Variants in CELF4 observed in about 807,000 individuals in gnomAD.
CELF4 encodes the protein CUG-BP- and ETR-3-like factor 4.
A neutral mutation model predicts 59.9 loss-of-function variants in CELF4; 18 were observed. The ratio of observed to expected loss-of-function variants is 0.30; its 90% CI spans 0.21 to 0.45. The LOEUF (loss-of-function observed/expected upper bound fraction) is 0.45, where lower values mean the gene tolerates loss of function less well. Among genes scored for constraint, CELF4 ranks in the 20% least tolerant of loss-of-function variants. The pLI, the probability that CELF4 is intolerant of heterozygous loss-of-function variation, is 1.00. For missense variants in CELF4, 456 were observed against 689.0 expected (o/e 0.66, Z 3.79); for synonymous variants, 261 against 267.1 (o/e 0.98, Z 0.22).
chr18:37,263,238 C>T (rs1335387807), intron 10 of CELF4, among the ~76,000 whole-genome samples: 3 of 152,140 alleles, frequency 2.0e-5, no homozygotes, highest in Non-Finnish European at 4.4e-5. Flanking sequence ...CAGAGTCCCA[C>T]CCAAAAGGGT....
At chr18:37,396,521 T>G (rs1212438585) in intron 2 of CELF4, among the ~76,000 whole-genome samples, 2 of 152,180 alleles carry the variant, frequency 1.3e-5, no homozygotes, top group Non-Finnish European at 2.9e-5. Context: ...TAAAAGCTGA[T>G]GAGGTGAGCC....
chr18:37,369,967 C>T (rs1163034064), intron 2 of CELF4, among the ~76,000 whole-genome samples: 1 of 152,220 alleles, frequency 6.6e-6, no homozygotes, highest in Non-Finnish European at 1.5e-5. Context: ...CCGAAACGCC[C>T]CTCTTCACCT....
chr18:37,558,709 CA>C (rs2099985651), intron 1 of CELF4, among the ~76,000 whole-genome samples: 1 of 151,540 alleles, frequency 6.6e-6, no homozygotes, highest in African/African-American at 2.4e-5. Context: ...ATAGAGAGCC[CA>C]AAAGGAGGGC....
At chr18:37,348,004 T>A (rs2098327145) in intron 2 of CELF4, among the ~76,000 whole-genome samples, 1 of 152,010 alleles carries the variant, frequency 6.6e-6, no homozygotes, top group Non-Finnish European at 1.5e-5. Flanking sequence ...CACAAGCAGG[T>A]GGTTATGGGT....
intron 2 of CELF4, among the ~76,000 whole-genome samples, chr18:37,348,050 C>T (rs2098328502): frequency 6.6e-6 from 1 of 152,190 alleles, no homozygotes; most frequent in Admixed American, 6.5e-5. Flanking sequence ...TGACCCTCCT[C>T]CAGGCCGGGC....
At chr18:37,300,055 C>T (rs1479871060) in intron 3 of CELF4, among the ~76,000 whole-genome samples, 1 of 152,190 alleles carries the variant, frequency 6.6e-6, no homozygotes, top group Non-Finnish European at 1.5e-5. Context: ...ACTGCCCCCA[C>T]CCCATGCTTC....
rs111957213 is a variant in CELF4, at chr18:37,266,521, G to A, written c.1165+12C>T. 166 of 1,587,012 alleles carry A rather than the reference G, an allele frequency of 1.0e-4. 1 individual carries two copies. In the South Asian group the frequency reaches 1.5e-3, roughly 15 times the overall value. ...GTTGGGGAAGGAGCCGTGGGGACGC[G>A]TGGATACTAACGACCTGCATACTGC... On this transcript the variant is annotated intron_variant, in intron 9 of 12. Coordinates refer to ENST00000420428, the MANE Select transcript of CELF4 (RefSeq NM_020180.4).
chr18:37,252,943 G>A (rs1470689003), intron 12 of CELF4, among the ~76,000 whole-genome samples: 1 of 151,926 alleles, frequency 6.6e-6, no homozygotes, highest in African/African-American at 2.4e-5. Context: ...TGAAGAAGCC[G>A]AGGCTGCAAG....
chr18:37,555,048 T>C (rs2099984356), intron 1 of CELF4, among the ~76,000 whole-genome samples: 1 of 152,158 alleles, frequency 6.6e-6, no homozygotes, highest in Non-Finnish European at 1.5e-5. Flanking sequence ...CAGTGATTGA[T>C]ATGATTGGGG....
intron 10 of CELF4, among the ~76,000 whole-genome samples, chr18:37,262,316 C>T (rs2075157278): frequency 2.0e-5 from 3 of 152,158 alleles, no homozygotes; most frequent in Admixed American, 2.0e-4. Flanking sequence ...ACAATAGCAG[C>T]AGATCCTGCC....
chr18:37,327,438 C>T (rs561402176), intron 2 of CELF4, among the ~76,000 whole-genome samples: 6 of 152,286 alleles, frequency 3.9e-5, no homozygotes, highest in Non-Finnish European at 5.9e-5. Context: ...TAGGACTCCC[C>T]GAGGCTGGAA....
chr18:37,313,743 T>C (rs778241630), intron 3 of CELF4, among the ~76,000 whole-genome samples: 1 of 152,188 alleles, frequency 6.6e-6, no homozygotes, highest in African/African-American at 2.4e-5. Flanking sequence ...AGGAATTTAA[T>C]AGGATTTTAA....
chr18:37,335,327 G>T (rs141123873), intron 2 of CELF4, among the ~76,000 whole-genome samples: 1 of 152,232 alleles, frequency 6.6e-6, no homozygotes, highest in Admixed American at 6.5e-5. Flanking sequence ...GTGCGTGAGG[G>T]CTGGAGTGTA....
intron 1 of CELF4, among the ~76,000 whole-genome samples, chr18:37,562,246 G>A (rs146665286): frequency 2.5e-4 from 38 of 152,220 alleles, no homozygotes; most frequent in East Asian, 3.9e-4. Context: ...TGCACTCTAC[G>A]CATGGCAGGT....
chr18:37,500,819 C>A (rs1013488819), intron 1 of CELF4, among the ~76,000 whole-genome samples: 8 of 152,148 alleles, frequency 5.3e-5, no homozygotes, highest in African/African-American at 1.9e-4. Flanking sequence ...CAGGTGTGAG[C>A]CACCACACCT....
chr18:37,269,867 G>A (rs1230533481), intron 8 of CELF4, among the ~76,000 whole-genome samples: 1 of 152,170 alleles, frequency 6.6e-6, no homozygotes, highest in African/African-American at 2.4e-5. Context: ...CCTCCCAGGC[G>A]ATAGGTCCAT....
chr18:37,507,061 C>T lies in CELF4; in HGVS notation c.287-21454G>A, dbSNP rs556307690. Among the ~76,000 whole-genome samples the T allele has an allele frequency of 5.3e-5, 8 of 152,322 alleles. No individual in the cohort carries two copies. In the South Asian group the frequency reaches 1.2e-3, roughly 24 times the overall value. ...AGTCACAGTTGCCAGGAGGGTGTCT[C>T]AGGGTGTGACCCAGGGCTCTCTCTC... is the stretch of plus-strand genomic sequence containing the variant. On this transcript the variant is annotated intron_variant, in intron 1 of 12. Transcript: ENST00000420428.
chr18:37,462,519 T>C (rs1041801859), intron 2 of CELF4, among the ~76,000 whole-genome samples: 36 of 152,346 alleles, frequency 2.4e-4, no homozygotes, highest in African/African-American at 8.2e-4. Context: ...GGCAGGCTCC[T>C]AGCCACCAGA....
chr18:37,359,360 T>C (rs1250225753), intron 2 of CELF4, among the ~76,000 whole-genome samples: 1 of 152,178 alleles, frequency 6.6e-6, no homozygotes, highest in Non-Finnish European at 1.5e-5. Context: ...GTTATTTATT[T>C]TTTAAGGGTC....
Sources: allele counts gnomAD v4.1 joint callset (sites outside exome capture counted in the v4.1 genomes callset), GRCh38; gene constraint gnomAD v4.1.1; transcripts MANE v1.5; gene names NCBI Gene and HGNC (gene_info 2026-07-23, HGNC 2026-07-21).